The following ATP6V1H variants were observed in gnomAD, a reference collection of about 807,000 sequenced individuals.
The protein encoded by ATP6V1H is V-type proton ATPase subunit H.
In ATP6V1H, 39 loss-of-function variants were observed where a neutral mutation model predicts 71.7. That is an observed-to-expected ratio of 0.54 (90% CI 0.42 to 0.71). The LOEUF (loss-of-function observed/expected upper bound fraction) is 0.71. Ranked by LOEUF, ATP6V1H falls within the 30% of genes least tolerant of loss-of-function variation. The pLI is 0.00. For missense variants in ATP6V1H, 509 were observed against 594.9 expected, an observed-to-expected ratio of 0.86 and a Z score of 1.50; for synonymous variants, 192 against 199.3, an observed-to-expected ratio of 0.96 and a Z score of 0.31.
At chr8:53,720,338 A>G (rs192932731) in intron 13 of ATP6V1H, among the ~76,000 whole-genome samples, 1 of 152,322 alleles carries the variant, frequency 6.6e-6, no homozygotes, top group Admixed American at 6.5e-5. Context: ...CGGCTCACAA[A>G]AGAGATCATA....
chr8:53,768,971 A>G (rs1808560883), intron 11 of ATP6V1H, among the ~76,000 whole-genome samples: 1 of 152,182 alleles, frequency 6.6e-6, no homozygotes, highest in Admixed American at 6.5e-5. Context: ...CATATTAGTC[A>G]TCTTATTATG....
chr8:53,775,210 G>C (rs1808824474), intron 9 of ATP6V1H, among the ~76,000 whole-genome samples: 1 of 152,174 alleles, frequency 6.6e-6, no homozygotes, highest in East Asian at 1.9e-4. Flanking sequence ...GTTCCTCCCG[G>C]TAGGTTCATG....
At chr8:53,745,381 G>A (rs1733070598) in intron 12 of ATP6V1H, among the ~76,000 whole-genome samples, 1 of 151,982 alleles carries the variant, frequency 6.6e-6, no homozygotes, top group African/African-American at 2.4e-5. Context: ...TGGAGCAACA[G>A]GGTAAGACCC....
chr8:53,741,070 A>G (rs1479167651), intron 13 of ATP6V1H, among the ~76,000 whole-genome samples: 1 of 152,204 alleles, frequency 6.6e-6, no homozygotes, highest in Non-Finnish European at 1.5e-5. Context: ...TTAGAAAGAG[A>G]GAGGAAAAAA....
At chr8:53,777,234 G>A (rs991074242) in intron 9 of ATP6V1H, among the ~76,000 whole-genome samples, 1 of 152,104 alleles carries the variant, frequency 6.6e-6, no homozygotes. Context: ...TAAATACTAG[G>A]AAATGTAGAT....
intron 13 of ATP6V1H, among the ~76,000 whole-genome samples, chr8:53,720,544 T>C (rs1806578647): frequency 6.6e-6 from 1 of 152,226 alleles, no homozygotes. Context: ...AGGAAGACCA[T>C]TACCCATTCT....
intron 11 of ATP6V1H, among the ~76,000 whole-genome samples, chr8:53,764,756 G>C (rs574769702): frequency 6.6e-6 from 1 of 152,276 alleles, no homozygotes; most frequent in South Asian, 2.1e-4. Context: ...CTATGAGTCA[G>C]TTGTTTTCCC....
At chr8:53,806,480 T>G (rs563189091) in intron 7 of ATP6V1H, among the ~76,000 whole-genome samples, 3 of 152,246 alleles carry the variant, frequency 2.0e-5, no homozygotes, top group Admixed American at 2.0e-4. Flanking sequence ...GTTTACAAAT[T>G]TATAAATCTT....
intron 11 of ATP6V1H, among the ~76,000 whole-genome samples, chr8:53,760,687 G>A (rs1039631078): frequency 2.6e-5 from 4 of 152,140 alleles, no homozygotes; most frequent in Non-Finnish European, 5.9e-5. Flanking sequence ...TTCACAACTG[G>A]TAACAACCCC....
intron 12 of ATP6V1H, among the ~76,000 whole-genome samples, chr8:53,753,115 A>G (rs1807860769): frequency 6.6e-6 from 1 of 151,250 alleles, no homozygotes; most frequent in Non-Finnish European, 1.5e-5. Context: ...TTCAAAAAGC[A>G]GAGTCTTAAT....
intron 13 of ATP6V1H, among the ~76,000 whole-genome samples, chr8:53,724,976 T>G (rs1224727089): frequency 6.6e-6 from 1 of 152,092 alleles, no homozygotes; most frequent in Non-Finnish European, 1.5e-5. Flanking sequence ...ACCTACAAAC[T>G]TAAATAAATC....
intron 9 of ATP6V1H, among the ~76,000 whole-genome samples, chr8:53,773,969 GAGA>G (rs1416974869): frequency 6.6e-6 from 1 of 152,084 alleles, no homozygotes; most frequent in Non-Finnish European, 1.5e-5. Flanking sequence ...GTTATCCAAG[GAGA>G]AGAATAAAAA....
chr8:53,745,049 T>C (rs1807550865), intron 12 of ATP6V1H, among the ~76,000 whole-genome samples: 1 of 152,148 alleles, frequency 6.6e-6, no homozygotes, highest in Admixed American at 6.5e-5. Flanking sequence ...GGCAAAACTC[T>C]GCATATGATT....
At position 53,817,543 on chromosome 8, in the gene ATP6V1H, A is replaced by T; in HGVS notation, c.307-13T>A. The T allele has an allele frequency of 6.5e-7, 1 of 1,547,340 alleles. No individual in the cohort carries two copies. Among genetic ancestry groups the T allele is most frequent in the Non-Finnish European group, 8.9e-7 (1 of 1,124,572 alleles). On this transcript the variant is annotated splice_polypyrimidine_tract_variant and intron_variant, in intron 4 of 13. Coordinates refer to ENST00000359530, the MANE Select transcript of ATP6V1H (RefSeq NM_015941.4). Reference sequence around the variant, plus strand: ...GCTGATGATTTTCCTAAAAAAGAAAAGAAATGATATCACCAGTCAGAACAC... The same window carrying T: ...GCTGATGATTTTCCTAAAAAAGAAATGAAATGATATCACCAGTCAGAACAC...
chr8:53,821,372 CA>C (rs576615850), intron 4 of ATP6V1H, among the ~76,000 whole-genome samples: 11,328 of 97,942 alleles, frequency 0.12, 1,204 homozygotes, highest in African/African-American at 0.32. Flanking sequence ...GACTCCATCT[CA>C]AAAAAAAAAA....
chr8:53,746,447 T>C (rs969748557), intron 12 of ATP6V1H, among the ~76,000 whole-genome samples: 3 of 152,050 alleles, frequency 2.0e-5, no homozygotes, highest in African/African-American at 7.2e-5. Context: ...GTATTTTTAG[T>C]AGAGACGGGG....
intron 8 of ATP6V1H, among the ~76,000 whole-genome samples, chr8:53,797,025 G>A (rs1809764769): frequency 6.6e-6 from 1 of 152,146 alleles, no homozygotes; most frequent in Non-Finnish European, 1.5e-5. Context: ...TGTAAAACTT[G>A]CTTTTTAATT....
intron 7 of ATP6V1H, among the ~76,000 whole-genome samples, chr8:53,810,637 G>T (rs2130461614): frequency 6.6e-6 from 1 of 152,278 alleles, no homozygotes; most frequent in African/African-American, 2.4e-5. Context: ...CTACTCGGGA[G>T]GCTGAGGCAG....
intron 7 of ATP6V1H, among the ~76,000 whole-genome samples, chr8:53,810,130 T>C (rs767311514): frequency 3.9e-5 from 6 of 152,246 alleles, no homozygotes; most frequent in South Asian, 2.1e-4. Flanking sequence ...CTTGGGTCTA[T>C]TGCAGGCAGG....
Sources: gnomAD v4.1 joint callset for allele counts (sites outside exome capture counted in the v4.1 genomes callset) on GRCh38, gnomAD v4.1.1 for gene constraint, MANE v1.5 for transcripts, NCBI Gene and HGNC (gene_info 2026-07-23, HGNC 2026-07-21) for gene names.